The following HOMER1 variants were observed in gnomAD, a reference collection of about 807,000 sequenced individuals.
HOMER1 encodes the protein homer scaffold protein 1.
Under a neutral mutation model 48.9 loss-of-function variants are expected in HOMER1, and 3 were observed. The observed-to-expected ratio is 0.06, with a 90% CI of 0.03 to 0.16. HOMER1 has a LOEUF of 0.16. HOMER1 is among the 10% of genes least tolerant of loss of function. The pLI is 1.00. For missense variants in HOMER1, 247 were observed against 411.4 expected (o/e 0.60, Z 3.46); for synonymous variants, 134 against 146.4 (o/e 0.92, Z 0.61).
chr5:79,455,965 G>A (rs1199078928), intron 2 of HOMER1, among the ~76,000 whole-genome samples: 3 of 151,978 alleles, frequency 2.0e-5, no homozygotes, highest in Non-Finnish European at 2.9e-5. Flanking sequence ...GACCAGCCTG[G>A]CCAACATGGT....
chr5:79,466,093 C>T (rs1476215739), intron 1 of HOMER1, among the ~76,000 whole-genome samples: 1 of 152,096 alleles, frequency 6.6e-6, no homozygotes, highest in Non-Finnish European at 1.5e-5. Context: ...TTCAAAGAAA[C>T]TTGCTTGGTA....
chr5:79,414,114 G>A (rs1293366452), intron 5 of HOMER1, among the ~76,000 whole-genome samples: 2 of 151,946 alleles, frequency 1.3e-5, no homozygotes, highest in Non-Finnish European at 2.9e-5. Context: ...TTGAGATAGG[G>A]TCTGGCTTTG....
chr5:79,510,553 G>A, intron 1 of HOMER1: 1 of 753,904 alleles, frequency 1.3e-6, no homozygotes, highest in Non-Finnish European at 2.4e-6. Flanking sequence ...CCAAGTTCCT[G>A]AGGAACATGC....
Position 79,374,931 on chromosome 5 carries a change from C to G in HOMER1, c.*1078G>C, listed in dbSNP as rs2112177823. ...GTGTAGAGCCAGATAGAGTACATGA[C>G]TCCATCTCTATCTGCCACGATCACA... On this transcript the variant is annotated 3_prime_UTR_variant, in exon 9 of 9. Coordinates refer to ENST00000334082, the MANE Select transcript of HOMER1 (RefSeq NM_004272.5). 6.6e-6 allele frequency: 1 copy of G among 152,102 alleles called. No individual in the cohort carries two copies. The highest frequency in any genetic ancestry group is 1.5e-5 in the Non-Finnish European group (1 of 67,912). The allele number at this position is 152,102 out of a possible 1,614,324, so 9.4% of individuals were successfully genotyped here. A position where few individuals can be genotyped will look rare whatever the true frequency, so the allele number is the denominator to read the frequency against.
intron 5 of HOMER1, among the ~76,000 whole-genome samples, chr5:79,435,854 C>T (rs1360433592): frequency 5.6e-5 from 8 of 142,774 alleles, no homozygotes; most frequent in South Asian, 2.2e-4. Context: ...AGGCCGGGCG[C>T]GGTGGCTCAC....
chr5:79,497,813 G>A (rs553943890), intron 1 of HOMER1, among the ~76,000 whole-genome samples: 2 of 152,166 alleles, frequency 1.3e-5, no homozygotes, highest in Admixed American at 1.3e-4. Context: ...AGTTTCTCAC[G>A]TTTGATTTGT....
chr5:79,437,922 G>T (rs1324837980), intron 5 of HOMER1, among the ~76,000 whole-genome samples: 2 of 152,150 alleles, frequency 1.3e-5, no homozygotes, highest in Non-Finnish European at 2.9e-5. Flanking sequence ...TTCCCAAAGT[G>T]CTGGGATTAC....
intron 1 of HOMER1, among the ~76,000 whole-genome samples, chr5:79,488,938 G>A (rs1752194818): frequency 6.6e-6 from 1 of 152,118 alleles, no homozygotes; most frequent in Non-Finnish European, 1.5e-5. Flanking sequence ...AAATGTTGTA[G>A]ACTAAATAGA....
chr5:79,499,252 TAAGTA>T (rs1311793152), intron 1 of HOMER1, among the ~76,000 whole-genome samples: 4 of 152,204 alleles, frequency 2.6e-5, no homozygotes, highest in Admixed American at 2.6e-4. Flanking sequence ...AATAGATGCA[TAAGTA>T]TTCCAGAGGC....
At chr5:79,438,159 A>AT (rs1382634560) in intron 5 of HOMER1, among the ~76,000 whole-genome samples, 1 of 152,178 alleles carries the variant, frequency 6.6e-6, no homozygotes, top group Non-Finnish European at 1.5e-5. Flanking sequence ...ATGCCAAAGG[A>AT]TTTTTTTAAA....
intron 1 of HOMER1, among the ~76,000 whole-genome samples, chr5:79,464,763 G>A (rs995122949): frequency 2.0e-5 from 3 of 152,078 alleles, no homozygotes; most frequent in Admixed American, 6.5e-5. Context: ...ACTACCAACT[G>A]TATGTCCCTA....
chr5:79,379,419 T>TA (rs1453949867), intron 8 of HOMER1, among the ~76,000 whole-genome samples: 9 of 119,220 alleles, frequency 7.5e-5, no homozygotes, highest in African/African-American at 2.9e-4. Context: ...TTTATATATT[T>TA]TATATATTAT....
chr5:79,447,670 C>T (rs1193702874), intron 3 of HOMER1, among the ~76,000 whole-genome samples: 5 of 152,032 alleles, frequency 3.3e-5, no homozygotes, highest in African/African-American at 4.8e-5. Flanking sequence ...AATTTATTTC[C>T]GAAGATTCCT....
rs984313899 is a variant in HOMER1 at position 79,375,300 on chromosome 5, A to T, written c.*709T>A. The T allele has an allele frequency of 1.3e-5, 2 of 152,090 alleles. No individual in the cohort carries two copies. The highest frequency in any genetic ancestry group is 4.8e-5 in the African/African-American group (2 of 41,454). The allele number at this position is 152,090 out of a possible 1,614,324, so 9.4% of individuals were successfully genotyped here. A position where few individuals can be genotyped will look rare whatever the true frequency, so the allele number is the denominator to read the frequency against. On this transcript the variant is annotated 3_prime_UTR_variant, in exon 9 of 9. Coordinates refer to ENST00000334082, the MANE Select transcript of HOMER1 (RefSeq NM_004272.5). ...AAAATGTGTAATAAAATGGGAGACA[A>T]TATCTTCTCATAAATACATGGAATC...
rs547740927 is a variant in HOMER1 at position 79,410,486 on chromosome 5, T to C, written c.528-8431A>G. 5.8e-4 allele frequency among the ~76,000 whole-genome samples: 63 copies of C among 108,840 alleles called. No individual in the cohort carries two copies. The South Asian group carries it at 0.013, about 23-fold the overall frequency. 71.4% of individuals were successfully genotyped at this position (108,840 alleles called of 152,430 possible). A position where few individuals can be genotyped will look rare whatever the true frequency, so the allele number is the denominator to read the frequency against. On this transcript the variant is annotated intron_variant, in intron 5 of 8. Coordinates refer to ENST00000334082, the MANE Select transcript of HOMER1 (RefSeq NM_004272.5). ...CCTGGGTAACAAGAGTGAAACTCTA[T>C]CTCAAAAAAAAAAAAAAAAAAGAAA... is the stretch of plus-strand genomic sequence containing the variant.
chr5:79,471,429 C>T (rs943486775), intron 1 of HOMER1, among the ~76,000 whole-genome samples: 2 of 151,770 alleles, frequency 1.3e-5, no homozygotes, highest in Non-Finnish European at 2.9e-5. Context: ...ACCTATAATC[C>T]CAGCTACTCA....
intron 1 of HOMER1, among the ~76,000 whole-genome samples, chr5:79,475,191 C>T (rs560217070): frequency 5.5e-4 from 83 of 151,848 alleles, no homozygotes; most frequent in African/African-American, 2.0e-3. Flanking sequence ...CTATCCCATC[C>T]CCCTTTTGAA....
At chr5:79,437,877 G>A (rs531749311) in intron 5 of HOMER1, among the ~76,000 whole-genome samples, 1 of 152,168 alleles carries the variant, frequency 6.6e-6, no homozygotes, top group African/African-American at 2.4e-5. Flanking sequence ...GGCTGATCTT[G>A]AACTCCTGTC....
intron 1 of HOMER1, among the ~76,000 whole-genome samples, chr5:79,497,939 T>G (rs1192138743): frequency 2.6e-5 from 4 of 152,118 alleles, no homozygotes; most frequent in Non-Finnish European, 5.9e-5. Context: ...CTAGACCCAC[T>G]GCATCAAAAA....
Sources: allele counts gnomAD v4.1 joint callset (sites outside exome capture counted in the v4.1 genomes callset), GRCh38; gene constraint gnomAD v4.1.1; transcripts MANE v1.5; gene names NCBI Gene and HGNC (gene_info 2026-07-23, HGNC 2026-07-21).